HEXA: variants seen among roughly 807,000 people sequenced by gnomAD.
HEXA encodes the protein beta-hexosaminidase subunit alpha.
In HEXA, 54 loss-of-function variants were observed where a neutral mutation model predicts 73.3. That is an observed-to-expected ratio of 0.74 (90% confidence interval 0.59 to 0.92). The LOEUF (loss-of-function observed/expected upper bound fraction) is 0.92, where lower values mean the gene tolerates loss of function less well. Ranked by LOEUF, HEXA falls within the 40% of genes least tolerant of loss-of-function variation. The pLI, the probability that HEXA is intolerant of heterozygous loss-of-function variation, is 0.00. For synonymous variants in HEXA, 230 were observed against 246.9 expected (o/e 0.93, Z 0.64); for missense variants, 649 against 653.0 (o/e 0.99, Z 0.07).
At chr15:72,349,322 C>A in intron 7 of HEXA, 63 bp from the exon 8 acceptor site, 1 of 1,228,684 alleles carries the variant, frequency 8.1e-7, no homozygotes, top group East Asian at 2.3e-5. Flanking sequence ...CACAGTCCTA[C>A]ACGTAAGGAC....
At chr15:72,375,564 T>G (rs1256223499) in intron 1 of HEXA, among the ~76,000 whole-genome samples, 156 bp downstream of exon 1, 7 of 152,172 alleles carry the variant, frequency 4.6e-5, no homozygotes, top group Admixed American at 2.6e-4. Context: ...GTAGTTATCT[T>G]TGGATGAAAA....
intron 3 of HEXA, chr15:72,353,978 A>C: frequency 1.7e-6 from 1 of 594,676 alleles, no homozygotes; most frequent in Non-Finnish European, 3.0e-6. Flanking sequence ...CCTTCCTTAC[A>C]ACATACTAAC....
At chr15:72,355,921 G>C (rs918609818) in intron 2 of HEXA, 2 of 517,796 alleles carry the variant, frequency 3.9e-6, no homozygotes, top group African/African-American at 3.8e-5. Flanking sequence ...TCATGGGTCA[G>C]TTTCCACAGC....
At chr15:72,347,989 A>AG (rs2088640360) in intron 9 of HEXA, 59 bp downstream of exon 9, 2 of 1,220,598 alleles carry the variant, frequency 1.6e-6, no homozygotes, top group Non-Finnish European at 1.2e-6. Context: ...CGGTATGGAA[A>AG]GGGAGGACCC....
rs117284911 is a variant in HEXA, at chr15:72,367,781, G to T, written c.253+7939C>A. ...AATATGGCATGAAGGCTTCTCGCCT[G>T]TAGGCCTTTTCCACGCGCAGTTCTT... On this transcript the variant is annotated intron_variant, in intron 1 of 13. Coordinates refer to ENST00000268097, the MANE Select transcript of HEXA (RefSeq NM_000520.6). 5.8e-4 allele frequency among the ~76,000 whole-genome samples: 89 copies of T among 152,348 alleles called. No homozygotes were observed. In the East Asian group the frequency reaches 0.015, roughly 25 times the overall value.
chr15:72,350,946 C>A (rs1453881687), intron 6 of HEXA, 187 bp downstream of exon 6: 55 of 657,682 alleles, frequency 8.4e-5, no homozygotes. Context: ...TCCTGAAGGT[C>A]ACAAGGCAAA....
chr15:72,347,467 A>C (rs563311915), intron 10 of HEXA, among the ~76,000 whole-genome samples: 1 of 151,670 alleles, frequency 6.6e-6, no homozygotes, highest in Non-Finnish European at 1.5e-5. Context: ...TCCTAGGCTC[A>C]AGCAATCCCC....
rs1321597225 is a variant in HEXA, at chr15:72,346,607, G to C, written c.1250C>G (p.Ser417Cys). Residue 417 changes from serine (S) to cysteine (C), a missense_variant, in exon 11 of 14, where the codon TCT (serine) becomes TGT (cysteine). Transcript: ENST00000268097. ...TATACGGTTCAGGTACCAGGGGGCA[G>C]AGAGAAGGGCCCGGAAGCCGGCCTT... Reference protein sequence around the residue: ...VTKAGFRALLSAPWYLNRISY... With the variant: ...VTKAGFRALLCAPWYLNRISY... The C allele has an allele frequency of 1.2e-6, 2 of 1,614,148 alleles. No individual in the cohort carries two copies. The highest frequency in any genetic ancestry group is 1.7e-6 in the Non-Finnish European group (2 of 1,179,998).
intron 1 of HEXA, chr15:72,370,697 T>TAAAAAAAAAAAGAA: frequency 3.0e-6 from 1 of 338,614 alleles, no homozygotes; most frequent in Non-Finnish European, 5.1e-6. Context: ...ACCTGTTTCT[T>TAAAAAAAAAAAGAA]AAAAAAAAAA....
chr15:72,356,708 C>T (rs952678800), intron 1 of HEXA, 91 bp from the exon 2 acceptor site: 25 of 1,579,986 alleles, frequency 1.6e-5, no homozygotes, highest in South Asian at 8.0e-5. Context: ...TCAGCTCACA[C>T]GCCTGTGGTA....
intron 5 of HEXA, chr15:72,351,768 G>A (rs1302050294): frequency 1.2e-5 from 2 of 165,108 alleles, no homozygotes; most frequent in African/African-American, 2.4e-5. Context: ...AGATAAGACT[G>A]CACATTAAAC....
At chr15:72,365,087 ATTT>A (rs924615165) in intron 1 of HEXA, among the ~76,000 whole-genome samples, 1 of 148,184 alleles carries the variant, frequency 6.7e-6, no homozygotes. Context: ...TACTAGCCAA[ATTT>A]TTTTTACTCT....
chr15:72,353,862 G>A (rs956928799), intron 3 of HEXA, 125 bp from the exon 4 acceptor site: 2 of 759,002 alleles, frequency 2.6e-6, no homozygotes, highest in African/African-American at 3.4e-5. Context: ...ATGTAGTGTA[G>A]GCTTGACGAT....
intron 7 of HEXA, 49 bp from the exon 8 acceptor site, chr15:72,349,308 C>A: frequency 7.1e-7 from 1 of 1,406,632 alleles, no homozygotes; most frequent in Non-Finnish European, 1.0e-6. Context: ...CATAAACCCC[C>A]ACGCACAGTC....
At position 72,351,297 on chromosome 15, in the gene HEXA, C is replaced by T. The variant is rs887554856; in HGVS notation, c.571-63G>A. ...CTCTCCGGTTTCAGCCTCAAACTTG[C>T]GATGTTGGGCGAGCTCTCAGGCCGC... On this transcript the variant is annotated intron_variant, in intron 5 of 13. Transcript: ENST00000268097. 49 of 1,088,574 alleles carry T rather than the reference C, an allele frequency of 4.5e-5. No homozygotes were observed. In the Middle Eastern group the frequency reaches 2.9e-3, roughly 65 times the overall value. 67.4% of individuals were successfully genotyped at this position (1,088,574 alleles called of 1,614,324 possible).
intron 8 of HEXA, 82 bp downstream of exon 8, chr15:72,348,997 G>A: frequency 8.7e-7 from 1 of 1,145,580 alleles, no homozygotes. Flanking sequence ...CAGCAGCTGA[G>A]CTAAGCAGCC....
At chr15:72,351,277 C>A (rs768223779) in intron 5 of HEXA, 43 bp from the exon 6 acceptor site, 1 of 1,322,008 alleles carries the variant, frequency 7.6e-7, no homozygotes, top group Non-Finnish European at 1.1e-6. Flanking sequence ...ACAGTCTCTC[C>A]GGTTTCAGCC....
intron 2 of HEXA, chr15:72,356,041 C>G (rs2088774324): frequency 4.5e-6 from 2 of 442,262 alleles, no homozygotes; most frequent in Non-Finnish European, 9.0e-6. Context: ...TTTCCCCTTC[C>G]TCTATGCTTC....
chr15:72,375,089 G>T (rs563192897), intron 1 of HEXA, among the ~76,000 whole-genome samples: 1 of 150,016 alleles, frequency 6.7e-6, no homozygotes, highest in African/African-American at 2.5e-5. Flanking sequence ...TTTGTTTGGG[G>T]GGGGGGGTTG....
Sources: gnomAD v4.1 joint callset for allele counts (sites outside exome capture counted in the v4.1 genomes callset) on GRCh38, gnomAD v4.1.1 for gene constraint, MANE v1.5 for transcripts, NCBI Gene and HGNC (gene_info 2026-07-23, HGNC 2026-07-21) for gene names.